FTO: variants seen among roughly 807,000 people sequenced by gnomAD.
FTO encodes the protein FTO alpha-ketoglutarate dependent dioxygenase.
A neutral mutation model predicts 63.9 loss-of-function variants in FTO; 47 were observed. The observed-to-expected ratio is 0.74, with a 90% CI of 0.58 to 0.94. The LOEUF (loss-of-function observed/expected upper bound fraction) is 0.94. FTO is among the 40% of genes least tolerant of loss of function. The pLI is 0.00. For synonymous variants in FTO, 207 were observed against 224.4 expected (o/e 0.92, Z 0.69); for missense variants, 562 against 618.1 (o/e 0.91, Z 0.96).
intron 8 of FTO, among the ~76,000 whole-genome samples, chr16:54,006,279 T>C (rs1207148598): frequency 1.3e-5 from 2 of 152,228 alleles, no homozygotes; most frequent in Non-Finnish European, 2.9e-5. Flanking sequence ...TGTCAAAACT[T>C]AGCTGAAGCC....
intron 1 of FTO, among the ~76,000 whole-genome samples, chr16:53,714,711 T>C (rs1367036875): frequency 6.6e-6 from 1 of 152,216 alleles, no homozygotes; most frequent in Non-Finnish European, 1.5e-5. Context: ...TATTGGCTGG[T>C]AACACTATTA....
At chr16:53,713,267 AT>A (rs990850944) in intron 1 of FTO, among the ~76,000 whole-genome samples, 1 of 152,118 alleles carries the variant, frequency 6.6e-6, no homozygotes, top group Non-Finnish European at 1.5e-5. Context: ...TTCTCTTCCA[AT>A]TTTAAAATGC....
At chr16:53,784,317 G>C (rs1435761509) in intron 1 of FTO, among the ~76,000 whole-genome samples, 1 of 152,092 alleles carries the variant, frequency 6.6e-6, no homozygotes, top group African/African-American at 2.4e-5. Flanking sequence ...AACCTAAACT[G>C]GTAATACTCC....
Position 53,909,501 on chromosome 16 carries a change from G to C in FTO, c.1239+20550G>C, listed in dbSNP as rs947993692. Among the ~76,000 whole-genome samples, 20 of 148,316 alleles carry C rather than the reference G, an allele frequency of 1.3e-4. 1 individual carries two copies. The highest frequency in any genetic ancestry group is 4.0e-4 in the African/African-American group (16 of 40,006). ...TTAGATTTTAACAGGCAGAGATTTGGTGGGTGAAAAAGAGGGACAGAGAGC... is the reference window on the plus strand; with the variant it reads ...TTAGATTTTAACAGGCAGAGATTTGCTGGGTGAAAAAGAGGGACAGAGAGC... On this transcript the variant is annotated intron_variant, in intron 7 of 8. Coordinates refer to ENST00000471389, the MANE Select transcript of FTO (RefSeq NM_001080432.3).
chr16:53,934,137 T>C, intron 8 of FTO, 28 bp downstream of exon 8: 1 of 1,613,728 alleles, frequency 6.2e-7, no homozygotes, highest in Non-Finnish European at 8.5e-7. Context: ...ATGGGATTTG[T>C]TGTTCTTGAC....
chr16:53,956,300 G>A (rs1367383075), intron 8 of FTO, among the ~76,000 whole-genome samples: 1 of 152,132 alleles, frequency 6.6e-6, no homozygotes, highest in African/African-American at 2.4e-5. Context: ...CTAAATGTCA[G>A]AACCAAGAGG....
chr16:53,888,598 G>A (rs2081069884), intron 6 of FTO, among the ~76,000 whole-genome samples: 1 of 152,050 alleles, frequency 6.6e-6, no homozygotes, highest in Admixed American at 6.5e-5. Flanking sequence ...AGGATTATAG[G>A]CATGAACCAA....
At chr16:53,704,711 C>G (rs1971903887) in intron 1 of FTO, among the ~76,000 whole-genome samples, 1 of 152,204 alleles carries the variant, frequency 6.6e-6, no homozygotes, top group Non-Finnish European at 1.5e-5. Flanking sequence ...AACTACATTG[C>G]TCCTCTCTAC....
Position 53,888,831 on chromosome 16 carries a change from G to A in FTO, c.1120-1G>A. The A allele has an allele frequency of 6.2e-7, 1 of 1,614,028 alleles. No homozygotes were observed. Among genetic ancestry groups the A allele is most frequent in the Non-Finnish European group, 8.5e-7 (1 of 1,179,918 alleles). On this transcript the variant is annotated splice_acceptor_variant, in intron 6 of 8. Coordinates refer to ENST00000471389, the MANE Select transcript of FTO (RefSeq NM_001080432.3). LOFTEE classifies it high-confidence loss of function. ...CACCATCTTCTCTTTATGGTCCACA[G>A]GTCGAGTTTGAGTGGCTGAGGCAGT... is the stretch of plus-strand genomic sequence containing the variant.
chr16:54,008,584 T>C (rs1297195857), intron 8 of FTO: 2 of 151,992 alleles, frequency 1.3e-5, no homozygotes, highest in Non-Finnish European at 2.9e-5. Flanking sequence ...TCCCCCTGCA[T>C]TCCCCACTTA....
chr16:53,885,836 C>T (rs943037285), intron 6 of FTO, among the ~76,000 whole-genome samples: 14 of 152,140 alleles, frequency 9.2e-5, no homozygotes, highest in African/African-American at 3.4e-4. Context: ...GCAGCCTGGA[C>T]CTCCTGGCTC....
In FTO at chr16:53,734,054, A is replaced by G. The variant is rs558734916; in HGVS notation, c.45+29825A>G. Among the ~76,000 whole-genome samples, 6 of 152,370 alleles carry G rather than the reference A, an allele frequency of 3.9e-5. No homozygotes were observed. The South Asian group carries it at 1.2e-3, about 32-fold the overall frequency. On this transcript the variant is annotated intron_variant, in intron 1 of 8. Transcript: ENST00000471389. ...AATCAACTCATGACAAAACGTATTT[A>G]CAAAGTAAGTAGAATGGAAAAGTAC... is the stretch of plus-strand genomic sequence containing the variant.
In FTO at chr16:53,840,988, T is replaced by C. The variant is rs147504462; in HGVS notation, c.752-3167T>C. Among the ~76,000 whole-genome samples the C allele has an allele frequency of 2.7e-3, 398 of 149,464 alleles. 2 individuals carry two copies. The highest frequency in any genetic ancestry group is 6.9e-3 in the Middle Eastern group (2 of 288). On this transcript the variant is annotated intron_variant, in intron 3 of 8. Transcript: ENST00000471389. ...CAAGCTACACACCTTCGTGAGTTCT[T>C]TTCTGGTCCATGAACTCCAGTTTAG...
intron 7 of FTO, among the ~76,000 whole-genome samples, chr16:53,932,093 A>G (rs574373445): frequency 2.4e-4 from 37 of 152,192 alleles, no homozygotes; most frequent in African/African-American, 7.7e-4. Flanking sequence ...TGAGTATTTG[A>G]ATTTGCAACC....
chr16:53,978,400 A>G (rs1465395163), intron 8 of FTO, among the ~76,000 whole-genome samples: 1 of 152,246 alleles, frequency 6.6e-6, no homozygotes, highest in African/African-American at 2.4e-5. Flanking sequence ...TCACAGCTAT[A>G]CAATGAAGAG....
At chr16:53,925,674 A>G (rs2082121904) in intron 7 of FTO, among the ~76,000 whole-genome samples, 1 of 152,170 alleles carries the variant, frequency 6.6e-6, no homozygotes, top group African/African-American at 2.4e-5. Flanking sequence ...AATTATTAGT[A>G]AAGAGTAAAT....
chr16:53,800,230 A>T (rs2078182762), intron 1 of FTO, among the ~76,000 whole-genome samples: 1 of 151,886 alleles, frequency 6.6e-6, no homozygotes, highest in Non-Finnish European at 1.5e-5. Flanking sequence ...ATACTTTCTC[A>T]TTTCTCGATT....
At chr16:53,993,748 A>C (rs2083869425) in intron 8 of FTO, 1 of 152,186 alleles carries the variant, frequency 6.6e-6, no homozygotes, top group Non-Finnish European at 1.5e-5. Flanking sequence ...GGGTGATGTC[A>C]CTTAGGAAAG....
At chr16:53,862,175 C>G (rs1227948580) in intron 4 of FTO, among the ~76,000 whole-genome samples, 3 of 152,028 alleles carry the variant, frequency 2.0e-5, no homozygotes, top group Non-Finnish European at 4.4e-5. Context: ...TTGAACCCAG[C>G]AGGCAGAGGT....
Sources: gnomAD v4.1 joint callset for allele counts (sites outside exome capture counted in the v4.1 genomes callset) on GRCh38, gnomAD v4.1.1 for gene constraint, MANE v1.5 for transcripts, NCBI Gene and HGNC (gene_info 2026-07-23, HGNC 2026-07-21) for gene names.